ST7: variants seen among roughly 807,000 people sequenced by gnomAD.
ST7 encodes suppressor of tumorigenicity 7 protein.
In ST7, 28 loss-of-function variants were observed where a neutral mutation model predicts 78.7. The ratio of observed to expected loss-of-function variants is 0.36; its 90% CI spans 0.26 to 0.49. ST7 has a LOEUF of 0.49. ST7 is among the 20% of genes least tolerant of loss of function. ST7 has a pLI of 0.99. For synonymous variants in ST7, 247 were observed against 249.6 expected (o/e 0.99, Z 0.10); for missense variants, 418 against 696.0 (o/e 0.60, Z 4.49).
chr7:117,097,908 A>ATATTTTTTTT, intron 1 of ST7, among the ~76,000 whole-genome samples: 3 of 30,012 alleles, frequency 1.0e-4, no homozygotes, highest in African/African-American at 4.8e-4. Flanking sequence ...ATATATATAT[A>ATATTTTTTTT]TTTTTTTTTT....
intron 4 of ST7, 85 bp downstream of exon 4, chr7:117,129,932 G>C (rs570827995): frequency 9.2e-7 from 1 of 1,089,352 alleles, no homozygotes; most frequent in Admixed American, 2.1e-5. Flanking sequence ...GTTCATTTAG[G>C]GGTCATTGTA....
At chr7:117,203,425 C>T (rs985704649) in intron 12 of ST7, among the ~76,000 whole-genome samples, 4 of 152,210 alleles carry the variant, frequency 2.6e-5, no homozygotes, top group Non-Finnish European at 5.9e-5. Context: ...CAGTTACCAT[C>T]ATGTTAGTAC....
At chr7:117,147,517 G>A (rs1394698673) in intron 9 of ST7, among the ~76,000 whole-genome samples, 2 of 151,832 alleles carry the variant, frequency 1.3e-5, no homozygotes, top group Admixed American at 1.3e-4. Flanking sequence ...AGCTTTTCAT[G>A]ATGTTATTTC....
At chr7:117,215,369 C>CA (rs1483084659) in intron 13 of ST7, among the ~76,000 whole-genome samples, 1 of 152,086 alleles carries the variant, frequency 6.6e-6, no homozygotes, top group Non-Finnish European at 1.5e-5. Context: ...TAATTATTAA[C>CA]AAACAAGCAG....
At chr7:117,008,217 GA>G (rs949632272) in intron 1 of ST7, among the ~76,000 whole-genome samples, 4 of 152,080 alleles carry the variant, frequency 2.6e-5, no homozygotes, top group Non-Finnish European at 4.4e-5. Context: ...TTTAGAGCTA[GA>G]AAAAAACCTC....
At chr7:117,019,337 T>C (rs189731859) in intron 1 of ST7, among the ~76,000 whole-genome samples, 64 of 152,346 alleles carry the variant, frequency 4.2e-4, no homozygotes, top group African/African-American at 1.5e-3. Context: ...ACTTTTTCTT[T>C]AAAAACAGAT....
intron 1 of ST7, among the ~76,000 whole-genome samples, chr7:117,044,194 A>G (rs1290112254): frequency 6.6e-6 from 1 of 152,150 alleles, no homozygotes; most frequent in Non-Finnish European, 1.5e-5. Flanking sequence ...TTTGATTTAC[A>G]TATCTGATGG....
chr7:117,211,790 A>G (rs1476305344), intron 13 of ST7, among the ~76,000 whole-genome samples: 1 of 152,198 alleles, frequency 6.6e-6, no homozygotes, highest in African/African-American at 2.4e-5. Flanking sequence ...GATCTGATCA[A>G]CTGGAAGGAT....
At chr7:117,009,414 G>A (rs1238411599) in intron 1 of ST7, among the ~76,000 whole-genome samples, 2 of 151,988 alleles carry the variant, frequency 1.3e-5, no homozygotes, top group African/African-American at 4.8e-5. Context: ...GCCTAAAGAA[G>A]CTTTTCTACA....
At chr7:116,992,955 C>A (rs566445542) in intron 1 of ST7, among the ~76,000 whole-genome samples, 2 of 152,194 alleles carry the variant, frequency 1.3e-5, no homozygotes. Context: ...TAATAAGAGT[C>A]GCCTTTGCTC....
chr7:117,081,503 C>A (rs939015448), intron 1 of ST7, among the ~76,000 whole-genome samples: 1 of 152,092 alleles, frequency 6.6e-6, no homozygotes, highest in African/African-American at 2.4e-5. Context: ...TTTGGCACGA[C>A]CTGTAGCAGA....
chr7:116,975,325 T>C (rs773551034), intron 1 of ST7, among the ~76,000 whole-genome samples: 6 of 152,078 alleles, frequency 3.9e-5, no homozygotes, highest in Non-Finnish European at 7.4e-5. Flanking sequence ...CCATGACACA[T>C]GAGGATTATG....
intron 1 of ST7, among the ~76,000 whole-genome samples, chr7:117,094,748 C>T (rs1800894164): frequency 6.6e-6 from 1 of 152,142 alleles, no homozygotes; most frequent in African/African-American, 2.4e-5. Context: ...GACTGGGTCT[C>T]CTATTCCTGG....
intron 1 of ST7, chr7:117,020,062 T>C (rs1795802902): frequency 6.6e-6 from 1 of 152,442 alleles, no homozygotes; most frequent in Non-Finnish European, 1.5e-5. Context: ...GAGGGGAGTG[T>C]ATACGTGGCT....
intron 9 of ST7, among the ~76,000 whole-genome samples, chr7:117,164,495 A>G (rs1807392513): frequency 6.6e-6 from 1 of 152,088 alleles, no homozygotes; most frequent in Non-Finnish European, 1.5e-5. Flanking sequence ...ATGCCATATG[A>G]GCTAAGACCC....
chr7:117,176,507 A>G (rs1318863969), intron 10 of ST7, among the ~76,000 whole-genome samples: 1 of 152,210 alleles, frequency 6.6e-6, no homozygotes, highest in Non-Finnish European at 1.5e-5. Context: ...CCTTTTGCTG[A>G]TACTGTTTTG....
intron 1 of ST7, among the ~76,000 whole-genome samples, chr7:117,094,652 G>A (rs1172180416): frequency 6.6e-6 from 1 of 152,100 alleles, no homozygotes; most frequent in Non-Finnish European, 1.5e-5. Context: ...GAGCAGTTCT[G>A]GGAAACAGAT....
chr7:116,984,365 T>C (rs989685638), intron 1 of ST7, among the ~76,000 whole-genome samples: 3 of 152,310 alleles, frequency 2.0e-5, no homozygotes, highest in African/African-American at 7.2e-5. Flanking sequence ...CAGGCTCTGT[T>C]TTCTTTTAAG....
chr7:117,048,326 T>C (rs1331880618), intron 1 of ST7, among the ~76,000 whole-genome samples: 1 of 152,188 alleles, frequency 6.6e-6, no homozygotes, highest in Non-Finnish European at 1.5e-5. Flanking sequence ...AAAATATTTG[T>C]ATATGATACA....
Sources: allele counts gnomAD v4.1 joint callset (sites outside exome capture counted in the v4.1 genomes callset), GRCh38; gene constraint gnomAD v4.1.1; transcripts MANE v1.5; gene names NCBI Gene and HGNC (gene_info 2026-07-23, HGNC 2026-07-21).